ENOX1: variants seen among roughly 807,000 people sequenced by gnomAD.
ENOX1 encodes candidate growth-related and time keeping constitutive hydroquinone (NADH) oxidase.
Under a neutral mutation model 82.5 loss-of-function variants are expected in ENOX1, and 42 were observed. The ratio of observed to expected loss-of-function variants is 0.51; its 90% CI spans 0.40 to 0.66. The LOEUF (loss-of-function observed/expected upper bound fraction) is 0.66, where lower values mean the gene tolerates loss of function less well. Among genes scored for constraint, ENOX1 ranks in the 30% least tolerant of loss-of-function variants. The pLI is 0.00. For synonymous variants in ENOX1, 271 were observed against 282.2 expected (o/e 0.96, Z 0.40); for missense variants, 608 against 811.6 (o/e 0.75, Z 3.05).
At chr13:43,445,748 T>C (rs577749216) in intron 3 of ENOX1, among the ~76,000 whole-genome samples, 9 of 152,338 alleles carry the variant, frequency 5.9e-5, no homozygotes, top group African/African-American at 2.2e-4. Flanking sequence ...CTATTATTTT[T>C]ACTGGCAGCT....
chr13:43,373,786 T>C (rs1195568020), intron 5 of ENOX1, among the ~76,000 whole-genome samples: 2 of 152,256 alleles, frequency 1.3e-5, no homozygotes, highest in African/African-American at 4.8e-5. Flanking sequence ...TCTGACAACA[T>C]CCTGAGTAAT....
intron 1 of ENOX1, among the ~76,000 whole-genome samples, chr13:43,783,824 A>C (rs1028772888): frequency 2.6e-4 from 40 of 152,198 alleles, no homozygotes; most frequent in African/African-American, 9.2e-4. Flanking sequence ...TATTATAATA[A>C]AACATTTAAT....
At chr13:43,545,007 A>G (rs1466474001) in intron 2 of ENOX1, 1 of 152,192 alleles carries the variant, frequency 6.6e-6, no homozygotes, top group Non-Finnish European at 1.5e-5. Context: ...TTCTGCTCCC[A>G]TTTATACATA....
chr13:43,679,182 C>T (rs899352856), intron 1 of ENOX1, among the ~76,000 whole-genome samples: 4 of 152,112 alleles, frequency 2.6e-5, no homozygotes, highest in African/African-American at 9.7e-5. Flanking sequence ...GACTTAACAC[C>T]GTAATGAAAA....
chr13:43,623,791 T>G (rs2082850636), intron 2 of ENOX1, among the ~76,000 whole-genome samples: 1 of 152,202 alleles, frequency 6.6e-6, no homozygotes, highest in Non-Finnish European at 1.5e-5. Flanking sequence ...CACTATTCTA[T>G]GATATGTGTA....
intron 2 of ENOX1, among the ~76,000 whole-genome samples, chr13:43,627,691 G>A (rs967494816): frequency 2.0e-5 from 3 of 152,024 alleles, no homozygotes; most frequent in Admixed American, 6.6e-5. Context: ...GTTTACACAT[G>A]CTTTTGTTTA....
chr13:43,320,143 T>C (rs554773014), intron 11 of ENOX1, among the ~76,000 whole-genome samples: 3 of 152,334 alleles, frequency 2.0e-5, no homozygotes, highest in Admixed American at 1.3e-4. Flanking sequence ...TTGGGCCAGA[T>C]CTTCAGGGCC....
At chr13:43,671,314 T>C (rs1355708067) in intron 1 of ENOX1, among the ~76,000 whole-genome samples, 1 of 152,152 alleles carries the variant, frequency 6.6e-6, no homozygotes, top group Non-Finnish European at 1.5e-5. Flanking sequence ...TAACACATCA[T>C]CTAATCATAA....
intron 2 of ENOX1, among the ~76,000 whole-genome samples, chr13:43,494,019 T>C (rs1169803409): frequency 6.6e-6 from 1 of 152,100 alleles, no homozygotes; most frequent in East Asian, 1.9e-4. Context: ...CAAATACTTA[T>C]AAAACCATCA....
intron 3 of ENOX1, among the ~76,000 whole-genome samples, chr13:43,427,641 C>A (rs971267016): frequency 1.3e-5 from 2 of 152,206 alleles, no homozygotes; most frequent in Non-Finnish European, 2.9e-5. Context: ...GTATGTAGCA[C>A]TGTGCTTGAT....
At position 43,213,224 on chromosome 13, in the gene ENOX1, C is replaced by A. The variant is rs537147723; in HGVS notation, c.*766G>T. ...CTGAATGTTTATTTTGATGCATAAA[C>A]CTGAATGTTACATACCAAGTACAAG... On this transcript the variant is annotated 3_prime_UTR_variant, in exon 17 of 17. Coordinates refer to ENST00000690772, the MANE Select transcript of ENOX1 (RefSeq NM_001347969.2). Among the ~76,000 whole-genome samples, 1 of 152,036 alleles carries A rather than the reference C, an allele frequency of 6.6e-6. No homozygotes were observed. Among genetic ancestry groups the A allele is most frequent in the Admixed American group, 6.5e-5 (1 of 15,270 alleles).
At chr13:43,573,440 T>C (rs930102586) in intron 2 of ENOX1, among the ~76,000 whole-genome samples, 1 of 152,224 alleles carries the variant, frequency 6.6e-6, no homozygotes, top group Non-Finnish European at 1.5e-5. Context: ...TCTCTGGAGC[T>C]TGTTTGATTT....
intron 1 of ENOX1, among the ~76,000 whole-genome samples, chr13:43,688,596 C>CA (rs559009594): frequency 1.9e-3 from 282 of 152,166 alleles, no homozygotes; most frequent in Non-Finnish European, 3.5e-3. Context: ...AACCTATTTA[C>CA]AAAAAAACAG....
intron 1 of ENOX1, among the ~76,000 whole-genome samples, chr13:43,684,903 T>C (rs1310641153): frequency 3.3e-5 from 5 of 152,200 alleles, no homozygotes; most frequent in Admixed American, 1.3e-4. Context: ...AAAAAAATAA[T>C]GATCATAGCT....
At chr13:43,361,196 C>T (rs1394922861) in intron 6 of ENOX1, 83 bp downstream of exon 6, 2 of 1,415,528 alleles carry the variant, frequency 1.4e-6, no homozygotes, top group Admixed American at 1.8e-5. Context: ...TGAGTCACAT[C>T]TGAAAATGAC....
chr13:43,740,277 T>C (rs2089838395), intron 1 of ENOX1, among the ~76,000 whole-genome samples: 1 of 152,090 alleles, frequency 6.6e-6, no homozygotes, highest in African/African-American at 2.4e-5. Context: ...TGGAAGGACT[T>C]TGCATTTACT....
chr13:43,407,184 G>A (rs2053851179), intron 5 of ENOX1, among the ~76,000 whole-genome samples: 1 of 152,168 alleles, frequency 6.6e-6, no homozygotes. Flanking sequence ...ACCAGAGGTG[G>A]GGCCTTCTGA....
chr13:43,320,733 T>C (rs1180762971), intron 11 of ENOX1, among the ~76,000 whole-genome samples: 7 of 152,302 alleles, frequency 4.6e-5, no homozygotes, highest in Admixed American at 2.6e-4. Context: ...ACACCTACCT[T>C]GTCAGGATAT....
intron 1 of ENOX1, among the ~76,000 whole-genome samples, chr13:43,692,618 A>G (rs2086423206): frequency 6.6e-6 from 1 of 152,180 alleles, no homozygotes; most frequent in Non-Finnish European, 1.5e-5. Flanking sequence ...CCAACACAAA[A>G]AAGACAAACC....
Sources: gnomAD v4.1 joint callset for allele counts (sites outside exome capture counted in the v4.1 genomes callset) on GRCh38, gnomAD v4.1.1 for gene constraint, MANE v1.5 for transcripts, NCBI Gene and HGNC (gene_info 2026-07-23, HGNC 2026-07-21) for gene names.